Variants in ITSN1 observed in about 807,000 individuals in gnomAD.
ITSN1 encodes intersectin-1.
ITSN1 carries 58 observed loss-of-function variants against 239.8 expected under a neutral mutation model. The ratio of observed to expected loss-of-function variants is 0.24; its 90% CI spans 0.20 to 0.30. The LOEUF (loss-of-function observed/expected upper bound fraction) is 0.30, where lower values mean the gene tolerates loss of function less well. ITSN1 is among the 10% of genes least tolerant of loss of function. The pLI is 1.00. For missense variants in ITSN1, 1,558 were observed against 2,103.3 expected, an observed-to-expected ratio of 0.74 and a Z score of 5.07; for synonymous variants, 780 against 770.8, an observed-to-expected ratio of 1.01 and a Z score of -0.20.
intron 7 of ITSN1, among the ~76,000 whole-genome samples, chr21:33,753,762 A>AAAAAAAAC (rs1491262729): frequency 1.4e-4 from 10 of 71,648 alleles, no homozygotes; most frequent in African/African-American, 7.2e-4. Flanking sequence ...TCTCTTTCTT[A>AAAAAAAAC]AAAAAAAAAA....
rs761705473 is a variant in ITSN1 at position 33,819,336 on chromosome 21, G to A, written c.3016+13G>A. 2.3e-5 allele frequency: 36 copies of A among 1,598,098 alleles called. No homozygotes were observed. The highest frequency in any genetic ancestry group is 3.0e-5 in the Non-Finnish European group (35 of 1,165,876). On this transcript the variant is annotated intron_variant, in intron 24 of 39. Transcript: ENST00000381318. ...GTTTCGGGAGAAGGTGAGGGCCTGA[G>A]TTGTATTATGTTCTTCAGAAGGGTC... is the stretch of plus-strand genomic sequence containing the variant.
At chr21:33,679,718 T>TTTTG in intron 1 of ITSN1, among the ~76,000 whole-genome samples, 1 of 146,030 alleles carries the variant, frequency 6.8e-6, no homozygotes, top group South Asian at 2.2e-4. Flanking sequence ...TTTTTTTTTT[T>TTTTG]TTTGAGACGG....
chr21:33,703,077 CTCTG>C (rs924951523), intron 1 of ITSN1, among the ~76,000 whole-genome samples: 39 of 133,058 alleles, frequency 2.9e-4, no homozygotes, highest in Non-Finnish European at 3.1e-4. Context: ...CTGAGCGAGA[CTCTG>C]TCTGTGTGTG....
intron 1 of ITSN1, among the ~76,000 whole-genome samples, chr21:33,678,735 T>G (rs531151131): frequency 2.6e-5 from 4 of 152,196 alleles, no homozygotes; most frequent in Admixed American, 1.3e-4. Context: ...TGGTGGGGGA[T>G]CCGAGTCTCG....
At chr21:33,672,606 GA>G (rs1328056126) in intron 1 of ITSN1, among the ~76,000 whole-genome samples, 1 of 152,112 alleles carries the variant, frequency 6.6e-6, no homozygotes, top group African/African-American at 2.4e-5. Flanking sequence ...ACTACTGTAT[GA>G]CCCAGCAATC....
chr21:33,811,670 T>C (rs1426913147), intron 21 of ITSN1, among the ~76,000 whole-genome samples: 1 of 152,240 alleles, frequency 6.6e-6, no homozygotes, highest in Non-Finnish European at 1.5e-5. Context: ...CCTTTAAAGC[T>C]TTCCACTTTC....
intron 4 of ITSN1, among the ~76,000 whole-genome samples, chr21:33,730,608 G>A (rs943547742): frequency 6.6e-6 from 1 of 151,710 alleles, no homozygotes; most frequent in Non-Finnish European, 1.5e-5. Flanking sequence ...CACCATCTTG[G>A]CCAGGCTGGT....
chr21:33,754,985 G>C (rs1467334698), intron 7 of ITSN1, among the ~76,000 whole-genome samples: 1 of 152,110 alleles, frequency 6.6e-6, no homozygotes, highest in Admixed American at 6.5e-5. Context: ...TTTTACCTCA[G>C]TTACAAGAGG....
At chr21:33,692,168 G>A (rs906851097) in intron 1 of ITSN1, among the ~76,000 whole-genome samples, 1 of 152,220 alleles carries the variant, frequency 6.6e-6, no homozygotes, top group Non-Finnish European at 1.5e-5. Flanking sequence ...GCTCAGAGAA[G>A]CCTGAGTTTG....
intron 5 of ITSN1, among the ~76,000 whole-genome samples, chr21:33,744,804 A>G (rs2147381475): frequency 6.6e-6 from 1 of 152,332 alleles, no homozygotes; most frequent in South Asian, 2.1e-4. Context: ...AAACTCAATA[A>G]ATATTTGTAA....
At chr21:33,698,656 T>C (rs2091894856) in intron 1 of ITSN1, among the ~76,000 whole-genome samples, 1 of 152,232 alleles carries the variant, frequency 6.6e-6, no homozygotes, top group African/African-American at 2.4e-5. Flanking sequence ...GCTATATGTT[T>C]GGGATTTGTC....
At chr21:33,691,816 A>G (rs565130348) in intron 1 of ITSN1, among the ~76,000 whole-genome samples, 119 of 152,262 alleles carry the variant, frequency 7.8e-4, no homozygotes, top group African/African-American at 2.7e-3. Flanking sequence ...TTATAAGGGT[A>G]CCAATCCCAT....
At chr21:33,664,193 C>G (rs1256280175) in intron 1 of ITSN1, among the ~76,000 whole-genome samples, 2 of 152,100 alleles carry the variant, frequency 1.3e-5, no homozygotes, top group Admixed American at 1.3e-4. Context: ...CTAGGAAGGT[C>G]AAGTTAGAGC....
At chr21:33,851,778 C>CTTTTTTTT (rs35567402) in intron 29 of ITSN1, among the ~76,000 whole-genome samples, 2 of 66,202 alleles carry the variant, frequency 3.0e-5, no homozygotes, top group African/African-American at 6.4e-5. Context: ...CTTTTCTTTC[C>CTTTTTTTT]TTTTTTTTTT....
intron 16 of ITSN1, among the ~76,000 whole-genome samples, chr21:33,788,749 G>A (rs761285296): frequency 5.3e-5 from 8 of 152,082 alleles, no homozygotes; most frequent in East Asian, 3.9e-4. Flanking sequence ...ATAAATAAAT[G>A]AATAACCAAT....
chr21:33,758,533 G>T (rs919525602), intron 8 of ITSN1, among the ~76,000 whole-genome samples: 5 of 136,134 alleles, frequency 3.7e-5, no homozygotes, highest in African/African-American at 1.4e-4. Context: ...CCTTAAAAGA[G>T]ACTGCCTTAT....
chr21:33,655,867 T>TA (rs536306225), intron 1 of ITSN1, among the ~76,000 whole-genome samples: 115 of 151,714 alleles, frequency 7.6e-4, no homozygotes, highest in African/African-American at 2.5e-3. Flanking sequence ...ATCCTTAACT[T>TA]AAAAAAAACT....
intron 1 of ITSN1, among the ~76,000 whole-genome samples, chr21:33,671,735 T>G (rs1309929767): frequency 1.3e-5 from 2 of 151,042 alleles, no homozygotes; most frequent in Non-Finnish European, 3.0e-5. Context: ...GAGGTTGCAG[T>G]GAGCTGAGAT....
At chr21:33,737,502 C>T (rs372065624) in intron 5 of ITSN1, among the ~76,000 whole-genome samples, 2 of 152,038 alleles carry the variant, frequency 1.3e-5, no homozygotes, top group East Asian at 1.9e-4. Flanking sequence ...GGGTAAAATA[C>T]ATATATATAT....
Sources: allele counts gnomAD v4.1 joint callset (sites outside exome capture counted in the v4.1 genomes callset), GRCh38; gene constraint gnomAD v4.1.1; transcripts MANE v1.5; gene names NCBI Gene and HGNC (gene_info 2026-07-23, HGNC 2026-07-21).